MGAT4C: variants seen among roughly 807,000 people sequenced by gnomAD.
MGAT4C encodes MGAT4 family member C.
In MGAT4C, 19 loss-of-function variants were observed where a neutral mutation model predicts 40.1. The observed-to-expected ratio is 0.47, with a 90% CI of 0.33 to 0.70. The LOEUF is 0.70. MGAT4C is among the 30% of genes least tolerant of loss of function. MGAT4C has a pLI of 0.02. For synonymous variants in MGAT4C, 181 were observed against 187.1 expected, an observed-to-expected ratio of 0.97 and a Z score of 0.27; for missense variants, 491 against 563.2, an observed-to-expected ratio of 0.87 and a Z score of 1.30.
chr12:86,645,599 T>C (rs760237577), intron 2 of MGAT4C, among the ~76,000 whole-genome samples: 1 of 151,794 alleles, frequency 6.6e-6, no homozygotes, highest in Non-Finnish European at 1.5e-5. Flanking sequence ...TTTAAAATCT[T>C]AGCAAGTTTT....
chr12:86,358,094 T>C (rs1407558571), intron 3 of MGAT4C, among the ~76,000 whole-genome samples: 4 of 152,090 alleles, frequency 2.6e-5, no homozygotes, highest in Non-Finnish European at 5.9e-5. Flanking sequence ...GTCAGGTTAC[T>C]GACAAAGGGA....
At chr12:86,374,665 G>A (rs1301565290) in intron 3 of MGAT4C, among the ~76,000 whole-genome samples, 1 of 152,040 alleles carries the variant, frequency 6.6e-6, no homozygotes, top group Non-Finnish European at 1.5e-5. Flanking sequence ...CAGAAATAAG[G>A]CATTTCTGGA....
chr12:86,017,567 A>G (rs575583015), intron 2 of MGAT4C, among the ~76,000 whole-genome samples: 1 of 152,332 alleles, frequency 6.6e-6, no homozygotes. Context: ...ATATTAAAAA[A>G]GGTAACGAAA....
intron 2 of MGAT4C, among the ~76,000 whole-genome samples, chr12:86,044,251 G>A (rs1892167930): frequency 1.3e-5 from 2 of 152,178 alleles, no homozygotes; most frequent in African/African-American, 4.8e-5. Flanking sequence ...TGGTTCTGGA[G>A]GGGCTGAGCT....
chr12:86,386,278 A>G (rs986110524), intron 3 of MGAT4C, among the ~76,000 whole-genome samples: 2 of 152,162 alleles, frequency 1.3e-5, no homozygotes, highest in Non-Finnish European at 2.9e-5. Context: ...GGGAATGCAG[A>G]TGATACAGTG....
At chr12:86,734,441 G>A (rs1950955166) in intron 1 of MGAT4C, among the ~76,000 whole-genome samples, 1 of 151,974 alleles carries the variant, frequency 6.6e-6, no homozygotes, top group South Asian at 2.1e-4. Context: ...ATGGAAAGGG[G>A]CATAGTATGA....
chr12:86,253,275 T>A (rs1337697643), intron 1 of MGAT4C, among the ~76,000 whole-genome samples: 1 of 151,816 alleles, frequency 6.6e-6, no homozygotes, highest in African/African-American at 2.4e-5. Context: ...GAAGAGTGCC[T>A]GGCACGAAGT....
intron 1 of MGAT4C, among the ~76,000 whole-genome samples, chr12:86,224,976 A>G (rs1951021413): frequency 1.3e-5 from 2 of 152,128 alleles, no homozygotes; most frequent in African/African-American, 4.8e-5. Context: ...TTAAAAAATA[A>G]TACAAAAGAT....
At chr12:86,748,656 CAAAG>C (rs1208408748) in intron 1 of MGAT4C, among the ~76,000 whole-genome samples, 5 of 151,330 alleles carry the variant, frequency 3.3e-5, no homozygotes, top group African/African-American at 1.2e-4. Context: ...TCATGTAAAG[CAAAG>C]AAACATATCA....
chr12:86,773,086 T>C (rs939335390), intron 1 of MGAT4C, among the ~76,000 whole-genome samples: 1 of 152,136 alleles, frequency 6.6e-6, no homozygotes, highest in African/African-American at 2.4e-5. Context: ...TTCCAATTCA[T>C]ATATTGCAGG....
At chr12:86,783,759 A>G (rs936243402) in intron 1 of MGAT4C, among the ~76,000 whole-genome samples, 1 of 152,126 alleles carries the variant, frequency 6.6e-6, no homozygotes, top group South Asian at 2.1e-4. Flanking sequence ...CTGTGAAAAA[A>G]ATTTTTGGTA....
At chr12:86,345,970 A>G (rs551973755) in intron 3 of MGAT4C, among the ~76,000 whole-genome samples, 1 of 152,222 alleles carries the variant, frequency 6.6e-6, no homozygotes, top group East Asian at 1.9e-4. Context: ...ATGGTATCTC[A>G]TTGTGGTTTT....
chr12:86,382,067 G>C (rs1344974771), intron 3 of MGAT4C, among the ~76,000 whole-genome samples: 1 of 152,146 alleles, frequency 6.6e-6, no homozygotes, highest in Non-Finnish European at 1.5e-5. Context: ...TTTGGAACTG[G>C]GTAATAGGCA....
intron 1 of MGAT4C, among the ~76,000 whole-genome samples, chr12:86,167,156 G>A (rs1412376365): frequency 2.0e-5 from 3 of 152,016 alleles, no homozygotes; most frequent in Admixed American, 6.6e-5. Flanking sequence ...TATCAACAAA[G>A]CTCATTTACT....
chr12:86,005,934 T>C (rs753853955), intron 2 of MGAT4C, among the ~76,000 whole-genome samples: 3 of 152,116 alleles, frequency 2.0e-5, no homozygotes, highest in Non-Finnish European at 4.4e-5. Flanking sequence ...AGTGGAAAAA[T>C]ATAGTGCACT....
intron 1 of MGAT4C, among the ~76,000 whole-genome samples, chr12:86,051,975 A>G (rs917508729): frequency 2.0e-5 from 3 of 151,716 alleles, no homozygotes; most frequent in African/African-American, 7.3e-5. Flanking sequence ...ACAATTGGAG[A>G]TATGTTTCAT....
intron 1 of MGAT4C, among the ~76,000 whole-genome samples, chr12:86,174,350 G>T (rs1203679148): frequency 6.6e-6 from 1 of 152,018 alleles, no homozygotes; most frequent in East Asian, 1.9e-4. Flanking sequence ...AACTCCAGTT[G>T]TTTTAATCTT....
chr12:86,494,289 TA>T (rs575483037), intron 2 of MGAT4C, among the ~76,000 whole-genome samples: 2 of 151,798 alleles, frequency 1.3e-5, no homozygotes, highest in Non-Finnish European at 2.9e-5. Flanking sequence ...ATCACATTAT[TA>T]AAAAAAACCT....
chr12:86,669,605 A>T (rs1373531352), intron 2 of MGAT4C, among the ~76,000 whole-genome samples: 2 of 152,202 alleles, frequency 1.3e-5, no homozygotes, highest in Non-Finnish European at 2.9e-5. Flanking sequence ...CATCCACTGG[A>T]TTATTCATTG....
Sources: allele counts gnomAD v4.1 joint callset (sites outside exome capture counted in the v4.1 genomes callset), GRCh38; gene constraint gnomAD v4.1.1; transcripts MANE v1.5; gene names NCBI Gene and HGNC (gene_info 2026-07-23, HGNC 2026-07-21).